The following UHMK1 variants were observed in gnomAD, a reference collection of about 807,000 sequenced individuals.
The protein encoded by UHMK1 is U2AF homology motif kinase 1.
Under a neutral mutation model 44.0 loss-of-function variants are expected in UHMK1, and 18 were observed. The ratio of observed to expected loss-of-function variants is 0.41; its 90% CI spans 0.28 to 0.61. The LOEUF (loss-of-function observed/expected upper bound fraction) is 0.61. UHMK1 is among the 20% of genes least tolerant of loss of function. The pLI is 0.31. For synonymous variants in UHMK1, 231 were observed against 198.5 expected, an observed-to-expected ratio of 1.16 and a Z score of -1.38; for missense variants, 463 against 522.5, an observed-to-expected ratio of 0.89 and a Z score of 1.11.
chr1:162,500,920 A>G lies in UHMK1; in HGVS notation c.569A>G (p.Lys190Arg), dbSNP rs1238437011. The change falls in exon 3 of 8, where the codon AAG becomes AGG. Residue 190 changes from lysine (K) to arginine (R), a missense_variant. Lys to Arg is a conservative substitution (Grantham distance 26). Around this residue, in one of 3 missense-constraint regions of UHMK1, gnomAD observed 264 missense variants for 326.3 expected, o/e 0.81. Transcript: ENST00000489294. ...LSFKEGNQDV[K>R]YIQTDGYRAP... ...TTTACTCATCTTTTTTAGGATGTAA[A>G]GTATATTCAGACAGACGGGTATCGG... The G allele has an allele frequency of 6.2e-7, 1 of 1,611,966 alleles. No individual in the cohort carries two copies. The highest frequency in any genetic ancestry group is 1.1e-5 in the South Asian group (1 of 90,834).
chr1:162,497,669 G>T, upstream of UHMK1: 2 of 739,540 alleles, frequency 2.7e-6, no homozygotes, highest in Non-Finnish European at 3.7e-6. Context: ...ACTGGGCCTG[G>T]AATGGTAGAT....
At chr1:162,514,476 C>T (rs1382383748) in intron 6 of UHMK1, among the ~76,000 whole-genome samples, 1 of 152,024 alleles carries the variant, frequency 6.6e-6, no homozygotes, top group Non-Finnish European at 1.5e-5. Flanking sequence ...AGAACCATGC[C>T]TGGCAAATAG....
rs1206489484 is a variant in UHMK1, at chr1:162,523,950, A to G, written c.*1400A>G. The stretch of plus-strand genomic sequence containing the variant: ...TGCGTGAGTTCATGGACACAAGTTG[A>G]TTACATGGTTTTTAGAATTATAATT... On this transcript the variant is annotated 3_prime_UTR_variant, in exon 8 of 8. Transcript: ENST00000489294. 1.3e-5 allele frequency: 2 copies of G among 152,122 alleles called. No homozygotes were observed. The highest frequency in any genetic ancestry group is 4.8e-5 in the African/African-American group (2 of 41,422). The allele number at this position is 152,122 out of a possible 1,614,324, so 9.4% of individuals were successfully genotyped here. A position where few individuals can be genotyped will look rare whatever the true frequency, so the allele number is the denominator to read the frequency against.
intron 2 of UHMK1, 61 bp from the exon 3 acceptor site, chr1:162,500,852 A>G: frequency 6.6e-7 from 1 of 1,505,004 alleles, no homozygotes; most frequent in South Asian, 1.2e-5. Context: ...AATTCACTGT[A>G]GAGATGGATA....
intron 4 of UHMK1, among the ~76,000 whole-genome samples, chr1:162,506,223 G>T (rs1375211867): frequency 1.6e-5 from 2 of 121,552 alleles, no homozygotes; most frequent in African/African-American, 5.8e-5. Flanking sequence ...TTAAATAATA[G>T]CCCCCCCCCC....
Position 162,526,901 on chromosome 1 carries a change from T to C in UHMK1, c.*4351T>C, listed in dbSNP as rs1364978555. 6.6e-6 allele frequency: 1 copy of C among 152,134 alleles called. No homozygotes were observed. The highest frequency in any genetic ancestry group is 2.4e-5 in the African/African-American group (1 of 41,442). 9.4% of individuals were successfully genotyped at this position (152,134 alleles called of 1,614,324 possible). ...TGATATAATTTCATTTCTTGTCAAT[T>C]ATGGTCACATATAGACAAGTACTTG... On this transcript the variant is annotated 3_prime_UTR_variant, in exon 8 of 8. Coordinates refer to ENST00000489294, the MANE Select transcript of UHMK1 (RefSeq NM_175866.5).
At position 162,528,402 on chromosome 1, in the gene UHMK1, CATT is replaced by C. The variant is rs779949504; in HGVS notation, c.*5853_*5855del. 4.6e-5 allele frequency: 7 copies of C among 152,080 alleles called. No individual in the cohort carries two copies. The highest frequency in any genetic ancestry group is 7.4e-5 in the Non-Finnish European group (5 of 67,954). 9.4% of individuals were successfully genotyped at this position (152,080 alleles called of 1,614,324 possible). ...ATTGCCTTTCCTACACATTCCTCATCATTGTTTCCTCAGAAAATTATTTTAAGA... is the reference window on the plus strand; with the variant it reads ...ATTGCCTTTCCTACACATTCCTCATCGTTTCCTCAGAAAATTATTTTAAGA... On this transcript the variant is annotated 3_prime_UTR_variant, in exon 8 of 8. Transcript: ENST00000489294.
At chr1:162,518,746 T>C (rs1651932544) in intron 7 of UHMK1, among the ~76,000 whole-genome samples, 1 of 151,976 alleles carries the variant, frequency 6.6e-6, no homozygotes, top group Non-Finnish European at 1.5e-5. Context: ...CCCAGCACTT[T>C]GGGAGGCCGA....
chr1:162,503,589 T>A (rs1651355875), intron 3 of UHMK1, among the ~76,000 whole-genome samples, 165 bp from the exon 4 acceptor site: 1 of 134,368 alleles, frequency 7.4e-6, no homozygotes. Context: ...ACAGCCTGGG[T>A]GGCAGAGCAA....
chr1:162,520,880 A>G (rs535601639), intron 7 of UHMK1, among the ~76,000 whole-genome samples: 1 of 152,306 alleles, frequency 6.6e-6, no homozygotes, highest in Admixed American at 6.5e-5. Context: ...CAGTGGTCAA[A>G]ATGAAGTGGA....
intron 6 of UHMK1, among the ~76,000 whole-genome samples, chr1:162,514,826 C>T (rs1323957429): frequency 6.6e-6 from 1 of 152,170 alleles, no homozygotes; most frequent in Non-Finnish European, 1.5e-5. Flanking sequence ...ACCTCCTGTA[C>T]TCACTGAAAT....
rs1652350090 is a variant in UHMK1 at position 162,528,984 on chromosome 1, A to G, written c.*6434A>G. 2 of 152,066 alleles carry G rather than the reference A, an allele frequency of 1.3e-5. No homozygotes were observed. Among genetic ancestry groups the G allele is most frequent in the South Asian group, 2.1e-4 (1 of 4,818 alleles). The allele number at this position is 152,066 out of a possible 1,614,324, so 9.4% of individuals were successfully genotyped here. On this transcript the variant is annotated 3_prime_UTR_variant, in exon 8 of 8. Transcript: ENST00000489294. The stretch of plus-strand genomic sequence containing the variant: ...GTTGTGAATATTAAAACCTAGTACT[A>G]TTTTCCCTCAGTAACATGTAATTGC...
chr1:162,497,915 C>A lies in UHMK1; in HGVS notation c.-86C>A. 7.0e-7 allele frequency: 1 copy of A among 1,428,286 alleles called. No individual in the cohort carries two copies. Among genetic ancestry groups the A allele is most frequent in the Non-Finnish European group, 9.1e-7 (1 of 1,095,918 alleles). The allele number at this position is 1,428,286 out of a possible 1,614,324, so 88.5% of individuals were successfully genotyped here. On this transcript the variant is annotated 5_prime_UTR_variant, in exon 1 of 8. Transcript: ENST00000489294. ...GTCCCTCCCTGCGGAGCCGCTGGTC[C>A]GGCTGGCGGAGATGTGACCGCGGGC...
chr1:162,520,040 A>C (rs1220508589), intron 7 of UHMK1, among the ~76,000 whole-genome samples: 1 of 152,182 alleles, frequency 6.6e-6, no homozygotes, highest in Non-Finnish European at 1.5e-5. Context: ...CTGGAACTAC[A>C]AGCACATGTG....
intron 4 of UHMK1, among the ~76,000 whole-genome samples, chr1:162,511,874 C>A (rs1296855736): frequency 1.3e-5 from 2 of 152,012 alleles, no homozygotes; most frequent in Non-Finnish European, 2.9e-5. Context: ...TTTCTTGGCA[C>A]CTTTGTTGAA....
intron 6 of UHMK1, among the ~76,000 whole-genome samples, chr1:162,513,469 C>T (rs1214670832): frequency 2.0e-5 from 3 of 152,008 alleles, no homozygotes; most frequent in Non-Finnish European, 2.9e-5. Context: ...GATTACTTCC[C>T]GTCTTTAGTA....
At chr1:162,512,936 A>G (rs1283592488) in intron 6 of UHMK1, 113 bp downstream of exon 6, 2 of 1,042,520 alleles carry the variant, frequency 1.9e-6, no homozygotes, top group African/African-American at 1.6e-5. Flanking sequence ...ATTGAACAAT[A>G]TGATCTCTAA....
intron 3 of UHMK1, among the ~76,000 whole-genome samples, chr1:162,502,277 C>T (rs1032406053): frequency 6.6e-6 from 1 of 152,110 alleles, no homozygotes; most frequent in African/African-American, 2.4e-5. Flanking sequence ...TTTTTTTGAG[C>T]ATCTAATACA....
Position 162,529,261 on chromosome 1 carries a change from T to G in UHMK1, c.*6711T>G, listed in dbSNP as rs1652362464. 1 of 152,188 alleles carries G rather than the reference T, an allele frequency of 6.6e-6. No homozygotes were observed. The highest frequency in any genetic ancestry group is 1.5e-5 in the Non-Finnish European group (1 of 67,996). The allele number at this position is 152,188 out of a possible 1,614,324, so 9.4% of individuals were successfully genotyped here. ...TCTTATTGTTTGTGAGCTTTTGTTT[T>G]TTTTTTAAAGAAAAAACAAAAACTA... On this transcript the variant is annotated 3_prime_UTR_variant, in exon 8 of 8. Transcript: ENST00000489294.
Sources: allele counts gnomAD v4.1 joint callset (sites outside exome capture counted in the v4.1 genomes callset), GRCh38; gene constraint gnomAD v4.1.1; regional missense constraint gnomAD v4.1.1; transcripts MANE v1.5; gene names NCBI Gene and HGNC (gene_info 2026-07-23, HGNC 2026-07-21).